Variants in ZNF821 observed in about 807,000 individuals in gnomAD.
The protein encoded by ZNF821 is zinc finger protein 821.
A neutral mutation model predicts 44.3 loss-of-function variants in ZNF821; 16 were observed. That is an observed-to-expected ratio of 0.36 (90% CI 0.24 to 0.55). The LOEUF (loss-of-function observed/expected upper bound fraction) is 0.55. Ranked by LOEUF, ZNF821 falls within the 20% of genes least tolerant of loss-of-function variation. ZNF821 has a pLI of 0.86. For missense variants in ZNF821, 436 were observed against 547.6 expected (o/e 0.80, Z 2.03); for synonymous variants, 204 against 197.6 (o/e 1.03, Z -0.27).
intron 1 of ZNF821, among the ~76,000 whole-genome samples, chr16:71,893,679 G>C (rs898265844): frequency 8.7e-5 from 13 of 149,262 alleles, no homozygotes; most frequent in African/African-American, 3.2e-4. Context: ...GGCTGGTCTT[G>C]AACTTCTTAC....
chr16:71,860,807 C>T lies in ZNF821; in HGVS notation c.585-135G>A. 1 of 803,130 alleles carries T rather than the reference C, an allele frequency of 1.2e-6. No homozygotes were observed. Among genetic ancestry groups the T allele is most frequent in the South Asian group, 1.8e-5 (1 of 54,212 alleles). 49.8% of individuals were successfully genotyped at this position (803,130 alleles called of 1,614,324 possible). A position where few individuals can be genotyped will look rare whatever the true frequency, so the allele number is the denominator to read the frequency against. On this transcript the variant is annotated intron_variant, in intron 7 of 7. Coordinates refer to ENST00000425432, the MANE Select transcript of ZNF821 (RefSeq NM_001201552.2). This position sits in a 1 kb window ranked among gnomAD's most constrained non-coding sequence, Gnocchi z 7.3. The stretch of plus-strand genomic sequence containing the variant: ...GGGGTCAGTTTGAATGCTTGGTGGA[C>T]CTCTTCTGCTGCTCCATCCCTTCTC...
chr16:71,888,379 T>G (rs1567453678), upstream of ZNF821, among the ~76,000 whole-genome samples: 1 of 152,158 alleles, frequency 6.6e-6, no homozygotes, highest in Non-Finnish European at 1.5e-5. Context: ...ACACCTATGT[T>G]TTCTCTTAGG....
chr16:71,882,732 G>T (rs891316743), intron 2 of ZNF821, among the ~76,000 whole-genome samples: 1 of 152,156 alleles, frequency 6.6e-6, no homozygotes, highest in African/African-American at 2.4e-5. Context: ...GGGGTCATGG[G>T]CTGTTGAAAA....
At chr16:71,863,250 T>C (rs2034120679) in intron 6 of ZNF821, among the ~76,000 whole-genome samples, 1 of 152,074 alleles carries the variant, frequency 6.6e-6, no homozygotes, top group Non-Finnish European at 1.5e-5. Flanking sequence ...TAGTATACAT[T>C]AGTTTCTATT....
chr16:71,868,569 G>A (rs1178392415), intron 3 of ZNF821, among the ~76,000 whole-genome samples: 1 of 152,186 alleles, frequency 6.6e-6, no homozygotes, highest in Non-Finnish European at 1.5e-5. Context: ...TACCCTGGAA[G>A]TTCTTCCTTG....
chr16:71,883,117 G>GT (rs1311994644), intron 2 of ZNF821, 94 bp downstream of exon 2: 1 of 456,274 alleles, frequency 2.2e-6, no homozygotes, highest in Non-Finnish European at 4.4e-6. Flanking sequence ...TCTCCCACAG[G>GT]TATTAGGTTG....
At chr16:71,892,091 T>G (rs2036889133) in intron 1 of ZNF821, among the ~76,000 whole-genome samples, 1 of 128,838 alleles carries the variant, frequency 7.8e-6, no homozygotes, top group Non-Finnish European at 1.6e-5. Context: ...GACAGGAGAA[T>G]CGCTTTAACC....
chr16:71,893,952 T>G (rs529877139), intron 1 of ZNF821: 1 of 150,928 alleles, frequency 6.6e-6, no homozygotes, highest in South Asian at 2.1e-4. Flanking sequence ...TTTTTTTGTA[T>G]TTTTTTTAGT....
At chr16:71,864,837 C>G in intron 5 of ZNF821, 66 bp downstream of exon 5, 1 of 1,592,752 alleles carries the variant, frequency 6.3e-7, no homozygotes, top group Non-Finnish European at 8.6e-7. Context: ...CAGGGGTGAG[C>G]AGCATCAGGG....
At chr16:71,878,669 C>T (rs2036107377) in intron 3 of ZNF821, among the ~76,000 whole-genome samples, 1 of 151,990 alleles carries the variant, frequency 6.6e-6, no homozygotes, top group South Asian at 2.1e-4. Context: ...GTGGCTCATG[C>T]CTGTAATCCC....
chr16:71,889,372 T>G (rs2036874074), upstream of ZNF821, among the ~76,000 whole-genome samples: 1 of 152,112 alleles, frequency 6.6e-6, no homozygotes, highest in African/African-American at 2.4e-5. Context: ...ACTTTCCTCC[T>G]ATAAAAACTG....
chr16:71,882,436 G>A (rs912421832), intron 2 of ZNF821, among the ~76,000 whole-genome samples: 7 of 152,212 alleles, frequency 4.6e-5, no homozygotes, highest in African/African-American at 1.4e-4. Flanking sequence ...GAAACTGTAA[G>A]ATAAAGGTAA....
chr16:71,884,861 T>C (rs1263577541), upstream of ZNF821: 7 of 140,692 alleles, frequency 5.0e-5, no homozygotes, highest in East Asian at 1.4e-3. Flanking sequence ...GGACCTTTTT[T>C]TTTTTTTTTT....
chr16:71,874,417 G>A (rs2035578752), intron 3 of ZNF821, among the ~76,000 whole-genome samples: 1 of 152,028 alleles, frequency 6.6e-6, no homozygotes, highest in Non-Finnish European at 1.5e-5. Context: ...AGACTTTCCT[G>A]CCCCCCAGAC....
At chr16:71,891,978 AG>A (rs1207988323) in intron 1 of ZNF821, among the ~76,000 whole-genome samples, 4 of 130,772 alleles carry the variant, frequency 3.1e-5, no homozygotes, top group East Asian at 2.5e-4. Context: ...CCTGGGCGAC[AG>A]AGAGAGACTC....
At chr16:71,868,083 T>A (rs1165313809) in intron 3 of ZNF821, 46 bp from the exon 4 acceptor site, 1 of 1,519,896 alleles carries the variant, frequency 6.6e-7, no homozygotes, top group Admixed American at 2.0e-5. Flanking sequence ...CTGGGCAGCA[T>A]ATCCCCAGGC....
intron 3 of ZNF821, among the ~76,000 whole-genome samples, chr16:71,868,633 G>C (rs1418805196): frequency 2.6e-5 from 4 of 152,146 alleles, no homozygotes. Flanking sequence ...ACAACTGGTT[G>C]AATAGTGGAC....
At chr16:71,892,222 C>T (rs1345221372) in intron 1 of ZNF821, among the ~76,000 whole-genome samples, 2 of 128,602 alleles carry the variant, frequency 1.6e-5, no homozygotes, top group Non-Finnish European at 3.2e-5. Context: ...AATCATGTCA[C>T]CTTTAGCGCT....
At chr16:71,887,902 G>A (rs562418254), upstream of ZNF821, among the ~76,000 whole-genome samples, 28 of 150,420 alleles carry the variant, frequency 1.9e-4, no homozygotes, top group East Asian at 5.3e-3. Flanking sequence ...TGTTGCCCAG[G>A]CTGGAGTGCA....
Sources: gnomAD v4.1 joint callset for allele counts (sites outside exome capture counted in the v4.1 genomes callset) on GRCh38, gnomAD v4.1.1 for gene constraint, Gnocchi (gnomAD v3.1) non-coding constraint, MANE v1.5 for transcripts, NCBI Gene and HGNC (gene_info 2026-07-23, HGNC 2026-07-21) for gene names.